Variants in UBE3A observed in about 807,000 individuals in gnomAD.
UBE3A encodes the protein ubiquitin-protein ligase E3A.
A neutral mutation model predicts 83.4 loss-of-function variants in UBE3A; 6 were observed. The observed-to-expected ratio is 0.07, with a 90% confidence interval of 0.04 to 0.14. The LOEUF (loss-of-function observed/expected upper bound fraction) is 0.14, where lower values mean the gene tolerates loss of function less well. Ranked by LOEUF, UBE3A falls within the 10% of genes least tolerant of loss-of-function variation. The probability of loss-of-function intolerance (pLI) is 1.00; values close to 1 mark genes in which losing one functional copy is unlikely to be tolerated. For missense variants in UBE3A, 456 were observed against 1,036.1 expected (o/e 0.44, Z 7.69); for synonymous variants, 337 against 355.4 (o/e 0.95, Z 0.58).
chr15:25,390,871 G>T (rs34698527), intron 4 of UBE3A, among the ~76,000 whole-genome samples: 93,526 of 151,482 alleles, frequency 0.62, 32,586 homozygotes, highest in Non-Finnish European at 0.78. Flanking sequence ...ATCCATACAT[G>T]TGTGTGGAAG....
Position 25,337,040 on chromosome 15 carries a change from T to G in UBE3A, c.*2097A>C, listed in dbSNP as rs2073996568. On this transcript the variant is annotated 3_prime_UTR_variant, in exon 13 of 13. Transcript: ENST00000648336. ...ATAATTAAGCAAGCTAGAGCAGCTA[T>G]TCTGTGCAACCGACGATTTTTTTTC... 1 of 152,148 alleles carries G rather than the reference T, an allele frequency of 6.6e-6. No homozygotes were observed. Among genetic ancestry groups the G allele is most frequent in the African/African-American group, 2.4e-5 (1 of 41,434 alleles). The allele number at this position is 152,148 out of a possible 1,614,324, so 9.4% of individuals were successfully genotyped here.
chr15:25,340,706 T>A (rs2074596832), intron 11 of UBE3A, among the ~76,000 whole-genome samples: 1 of 150,804 alleles, frequency 6.6e-6, no homozygotes, highest in African/African-American at 2.5e-5. Context: ...GTGATACAGA[T>A]TAAGGACAAA....
intron 4 of UBE3A, among the ~76,000 whole-genome samples, chr15:25,388,182 T>C (rs1275846055): frequency 1.3e-5 from 2 of 152,190 alleles, no homozygotes; most frequent in African/African-American, 2.4e-5. Flanking sequence ...CAGACCCATA[T>C]TTGTCATGAA....
At chr15:25,427,892 C>T (rs1162473527) in intron 1 of UBE3A, among the ~76,000 whole-genome samples, 1 of 150,436 alleles carries the variant, frequency 6.6e-6, no homozygotes, top group Non-Finnish European at 1.5e-5. Context: ...CAGTGGAATA[C>T]TACTCAGCTA....
Position 25,336,640 on chromosome 15 carries a change from C to A in UBE3A, c.*2497G>T, listed in dbSNP as rs752651376. The A allele has an allele frequency of 4.6e-5, 7 of 152,142 alleles. No homozygotes were observed. The highest frequency in any genetic ancestry group is 8.8e-5 in the Non-Finnish European group (6 of 68,024). 9.4% of individuals were successfully genotyped at this position (152,142 alleles called of 1,614,324 possible). ...GAAACCAGGGTTAGGATGACCAGCT[C>A]ATTTGCTGGAGCTGCCAAGGTCCAG... On this transcript the variant is annotated 3_prime_UTR_variant, in exon 13 of 13. Transcript: ENST00000648336.
Position 25,371,620 on chromosome 15 carries a change from T to C in UBE3A, c.554A>G (p.Lys185Arg). The C allele has an allele frequency of 6.2e-7, 1 of 1,614,130 alleles. No individual in the cohort carries two copies. Among genetic ancestry groups the C allele is most frequent in the East Asian group, 2.2e-5 (1 of 44,856 alleles). ...LKSLQAKDEDKDEDEKEKAAC... is the reference protein window; with the variant it reads ...LKSLQAKDEDRDEDEKEKAAC... ...AGCTTTTTCCTTTTCATCTTCATCT[T>C]TGTCTTCATCTTTTGCTTGAAGAGA... is the stretch of plus-strand genomic sequence containing the variant. Residue 185 changes from lysine (K) to arginine (R), a missense_variant, in exon 6 of 13, where the codon AAA becomes AGA. This residue lies in a region of UBE3A where 34 missense variants were observed against 79.1 expected (regional missense o/e 0.43). Coordinates refer to ENST00000648336, the MANE Select transcript of UBE3A (RefSeq NM_130839.5). The surrounding 1 kb of genome is among the most constrained non-coding windows in gnomAD (Gnocchi z 5.3).
In UBE3A at chr15:25,360,492, C is replaced by T. The variant is rs1275928808; in HGVS notation, c.1644G>A (p.Leu548=). 2 of 1,613,776 alleles carry T rather than the reference C, an allele frequency of 1.2e-6. No homozygotes were observed. The highest frequency in any genetic ancestry group is 2.2e-5 in the South Asian group (2 of 91,070). ...EMIAMENPAD[L]KKQLYVEFEG... ...CAAATTCCACATACAACTGCTTCTTCAAGTCTGCAGGATTTTCCATAGCGA... is the reference window on the plus strand; with the variant it reads ...CAAATTCCACATACAACTGCTTCTTTAAGTCTGCAGGATTTTCCATAGCGA... The change falls in exon 7 of 13, where the codon TTG becomes TTA. Residue 548 remains leucine (L), a synonymous_variant. Coordinates refer to ENST00000648336, the MANE Select transcript of UBE3A (RefSeq NM_130839.5).
chr15:25,408,931 C>T (rs1373684265), intron 3 of UBE3A, among the ~76,000 whole-genome samples, 157 bp downstream of exon 3: 1 of 152,094 alleles, frequency 6.6e-6, no homozygotes, highest in African/African-American at 2.4e-5. Flanking sequence ...AAAAAAGACA[C>T]TAAAATATTT....
intron 6 of UBE3A, among the ~76,000 whole-genome samples, chr15:25,366,304 T>C (rs2079094076): frequency 1.3e-5 from 2 of 152,230 alleles, no homozygotes; most frequent in Non-Finnish European, 2.9e-5. Context: ...ATCTCATTTT[T>C]AAAGCTCTGT....
chr15:25,375,512 C>G lies in UBE3A; in HGVS notation c.314G>C (p.Cys105Ser), dbSNP rs780440418. ...ENSKGAPNNS[C>S]SEIKMNKKGA... ...TTTCTTGTTCATTTTTATCTCAGAG[C>G]AGGAGTTGTTGGGGGCACCTTTCGA... is the stretch of plus-strand genomic sequence containing the variant. Residue 105 changes from cysteine (C) to serine (S), a missense_variant, in exon 5 of 13, where the codon TGC (cysteine) becomes TCC (serine). Cys to Ser is a moderately radical substitution (Grantham distance 112). Coordinates refer to ENST00000648336, the MANE Select transcript of UBE3A (RefSeq NM_130839.5). 2 of 1,614,106 alleles carry G rather than the reference C, an allele frequency of 1.2e-6. No homozygotes were observed. The highest frequency in any genetic ancestry group is 1.3e-5 in the African/African-American group (1 of 75,004).
chr15:25,413,695 C>T (rs952007077), intron 1 of UBE3A, among the ~76,000 whole-genome samples: 3 of 152,166 alleles, frequency 2.0e-5, no homozygotes, highest in East Asian at 1.9e-4. Context: ...GCCAAAAAGA[C>T]GTGAAAACCA....
In UBE3A at chr15:25,334,963, GTAA is replaced by G. The variant is rs1028287976; in HGVS notation, c.*4171_*4173del. The stretch of plus-strand genomic sequence containing the variant: ...CTGACAAGATAACAGAAAGATGGAG[GTAA>G]TAACATGTGAAAGGCAAAATGGTTT... On this transcript the variant is annotated 3_prime_UTR_variant, in exon 13 of 13. Coordinates refer to ENST00000648336, the MANE Select transcript of UBE3A (RefSeq NM_130839.5). 6.6e-6 allele frequency: 1 copy of G among 151,146 alleles called. No homozygotes were observed. Among genetic ancestry groups the G allele is most frequent in the African/African-American group, 2.4e-5 (1 of 41,060 alleles). 9.4% of individuals were successfully genotyped at this position (151,146 alleles called of 1,614,324 possible). A position where few individuals can be genotyped will look rare whatever the true frequency, so the allele number is the denominator to read the frequency against.
intron 4 of UBE3A, among the ~76,000 whole-genome samples, chr15:25,404,174 T>C (rs2087869575): frequency 6.6e-6 from 1 of 152,230 alleles, no homozygotes; most frequent in African/African-American, 2.4e-5. Flanking sequence ...ATACATTTTA[T>C]AGTCGTTTCT....
At chr15:25,388,506 C>G (rs2083607691) in intron 4 of UBE3A, among the ~76,000 whole-genome samples, 1 of 152,096 alleles carries the variant, frequency 6.6e-6, no homozygotes, top group Non-Finnish European at 1.5e-5. Context: ...ACAGCTAACA[C>G]CATCCTTAAT....
chr15:25,341,053 C>T (rs899423732), intron 11 of UBE3A, among the ~76,000 whole-genome samples: 1 of 152,178 alleles, frequency 6.6e-6, no homozygotes, highest in Admixed American at 6.5e-5. Flanking sequence ...AACATATATA[C>T]ACTAGTTCAT....
chr15:25,339,875 G>C (rs2152512542), intron 12 of UBE3A: 1 of 604,376 alleles, frequency 1.7e-6, no homozygotes. Context: ...AAACCAATGT[G>C]AGCCCCATAA....
At chr15:25,405,670 A>T in intron 3 of UBE3A, 168 bp from the exon 4 acceptor site, 2 of 681,084 alleles carry the variant, frequency 2.9e-6, no homozygotes, top group Non-Finnish European at 2.5e-6. Context: ...TCAGGTGGCC[A>T]TACAACACAT....
chr15:25,367,083 T>A (rs948527198), intron 6 of UBE3A, among the ~76,000 whole-genome samples: 5 of 151,750 alleles, frequency 3.3e-5, no homozygotes, highest in Admixed American at 6.6e-5. Flanking sequence ...ATTTAAAAAA[T>A]CTTAATACAT....
At chr15:25,343,680 C>G (rs1271449308) in intron 11 of UBE3A, among the ~76,000 whole-genome samples, 1 of 152,038 alleles carries the variant, frequency 6.6e-6, no homozygotes, top group African/African-American at 2.4e-5. Context: ...CAAAAAAATC[C>G]TATAAGCAAG....
Sources: gnomAD v4.1 joint callset for allele counts (sites outside exome capture counted in the v4.1 genomes callset) on GRCh38, gnomAD v4.1.1 for gene constraint, gnomAD v4.1.1 regional missense constraint, Gnocchi (gnomAD v3.1) non-coding constraint, MANE v1.5 for transcripts, NCBI Gene and HGNC (gene_info 2026-07-23, HGNC 2026-07-21) for gene names.